Variants in NAV2 observed in about 807,000 individuals in gnomAD.
The protein encoded by NAV2 is helicase, APC down-regulated 1.
Under a neutral mutation model 223.2 loss-of-function variants are expected in NAV2, and 54 were observed. The ratio of observed to expected loss-of-function variants is 0.24; its 90% CI spans 0.19 to 0.30. The LOEUF is 0.30. Ranked by LOEUF, NAV2 falls within the 10% of genes least tolerant of loss-of-function variation. NAV2 has a pLI of 1.00. For missense variants in NAV2, 2,806 were observed against 3,147.5 expected (o/e 0.89, Z 2.60); for synonymous variants, 1,279 against 1,239.3 (o/e 1.03, Z -0.67).
intron 17 of NAV2, 117 bp from the exon 18 acceptor site, chr11:20,053,963 A>T (rs558822436): frequency 2.1e-4 from 232 of 1,099,318 alleles, no homozygotes; most frequent in Middle Eastern, 2.0e-4. Context: ...ATCTGATTTT[A>T]AAAAAAATCA....
intron 1 of NAV2, among the ~76,000 whole-genome samples, chr11:19,599,706 T>C (rs2046303386): frequency 6.6e-6 from 1 of 152,222 alleles, no homozygotes; most frequent in African/African-American, 2.4e-5. Context: ...GCATCAGGGC[T>C]CTTGCCAGAA....
chr11:19,619,787 G>A (rs1472781278), intron 1 of NAV2, among the ~76,000 whole-genome samples: 1 of 152,070 alleles, frequency 6.6e-6, no homozygotes, highest in African/African-American at 2.4e-5. Flanking sequence ...TGTCAATTTT[G>A]TCTTTTGTTG....
intron 10 of NAV2, among the ~76,000 whole-genome samples, chr11:19,956,234 A>C (rs532481194): frequency 6.6e-6 from 1 of 152,270 alleles, no homozygotes; most frequent in South Asian, 2.1e-4. Flanking sequence ...CTTTCCCCAC[A>C]CAACCAATTC....
At chr11:19,844,826 T>TTG (rs201082253) in intron 3 of NAV2, among the ~76,000 whole-genome samples, 1 of 150,444 alleles carries the variant, frequency 6.6e-6, no homozygotes, top group African/African-American at 2.5e-5. Context: ...CTGTGTGTTT[T>TTG]TTTTTTTTTT....
chr11:19,578,680 T>G (rs1418431523), intron 1 of NAV2, among the ~76,000 whole-genome samples: 1 of 152,258 alleles, frequency 6.6e-6, no homozygotes, highest in Non-Finnish European at 1.5e-5. Flanking sequence ...TGCAATATGT[T>G]GACCATCTAG....
At chr11:19,822,178 A>C (rs2059418243) in intron 1 of NAV2, among the ~76,000 whole-genome samples, 1 of 152,184 alleles carries the variant, frequency 6.6e-6, no homozygotes, top group Non-Finnish European at 1.5e-5. Context: ...ATCTCATTTC[A>C]ATCTCACAGT....
intron 1 of NAV2, among the ~76,000 whole-genome samples, chr11:19,655,286 T>G (rs922960645): frequency 2.0e-5 from 3 of 152,366 alleles, no homozygotes; most frequent in East Asian, 1.9e-4. Flanking sequence ...GCTTTTGCAC[T>G]GTTGGTGGGA....
At chr11:20,050,207 T>C (rs948116829) in intron 16 of NAV2, among the ~76,000 whole-genome samples, 1 of 152,148 alleles carries the variant, frequency 6.6e-6, no homozygotes, top group African/African-American at 2.4e-5. Flanking sequence ...TGTGGCATGT[T>C]CCTGCTTTTC....
intron 1 of NAV2, among the ~76,000 whole-genome samples, chr11:19,772,442 G>A (rs1390753990): frequency 2.6e-5 from 4 of 152,164 alleles, no homozygotes; most frequent in African/African-American, 7.2e-5. Flanking sequence ...ATCCTTTTCA[G>A]TATTGCTGTG....
chr11:19,660,031 G>A (rs2048233842), intron 1 of NAV2, among the ~76,000 whole-genome samples: 1 of 152,178 alleles, frequency 6.6e-6, no homozygotes, highest in Non-Finnish European at 1.5e-5. Context: ...AAGAGATTGA[G>A]CCTTTCCAGG....
intron 1 of NAV2, among the ~76,000 whole-genome samples, chr11:19,666,224 G>A (rs568420486): frequency 6.6e-6 from 1 of 152,326 alleles, no homozygotes; most frequent in African/African-American, 2.4e-5. Flanking sequence ...AATATTTAAT[G>A]TAGTTTCTTC....
chr11:19,718,909 GCA>G (rs924286645), intron 1 of NAV2, among the ~76,000 whole-genome samples: 2 of 152,042 alleles, frequency 1.3e-5, no homozygotes, highest in Admixed American at 6.5e-5. Context: ...GCACATATAA[GCA>G]CACACACACA....
At chr11:19,437,507 C>G (rs1428153105) in intron 1 of NAV2, among the ~76,000 whole-genome samples, 2 of 152,094 alleles carry the variant, frequency 1.3e-5, no homozygotes, top group African/African-American at 4.8e-5. Context: ...TTTCTTTGCA[C>G]CATTATTTTC....
chr11:19,814,647 G>C (rs1014820196), intron 1 of NAV2, among the ~76,000 whole-genome samples: 32 of 152,048 alleles, frequency 2.1e-4, no homozygotes, highest in Admixed American at 7.9e-4. Context: ...TGTTTGTTTT[G>C]AGAGAGTGGA....
At chr11:19,387,998 C>T (rs1447157780) in intron 1 of NAV2, among the ~76,000 whole-genome samples, 1 of 152,176 alleles carries the variant, frequency 6.6e-6, no homozygotes, top group East Asian at 1.9e-4. Context: ...CCAGGATCTT[C>T]CCCAAGACCT....
At chr11:19,774,341 A>G (rs1190284655) in intron 1 of NAV2, among the ~76,000 whole-genome samples, 2 of 152,138 alleles carry the variant, frequency 1.3e-5, no homozygotes, top group Non-Finnish European at 2.9e-5. Flanking sequence ...ACACCTGGCT[A>G]ATTTTTAAAA....
intron 26 of NAV2, among the ~76,000 whole-genome samples, chr11:20,090,512 A>G (rs564600174): frequency 3.5e-4 from 54 of 152,286 alleles, no homozygotes; most frequent in African/African-American, 1.3e-3. Context: ...CACAAAAAGC[A>G]GGAAAAGAGT....
At chr11:19,512,796 C>T (rs2043320460) in intron 1 of NAV2, among the ~76,000 whole-genome samples, 2 of 152,198 alleles carry the variant, frequency 1.3e-5, no homozygotes, top group African/African-American at 2.4e-5. Context: ...CAGCCCTTCA[C>T]AGGCATGCCA....
At chr11:19,544,291 C>T (rs2044424871) in intron 1 of NAV2, among the ~76,000 whole-genome samples, 1 of 152,200 alleles carries the variant, frequency 6.6e-6, no homozygotes, top group Non-Finnish European at 1.5e-5. Flanking sequence ...CACTATCAGT[C>T]TTTCCAATAC....
Sources: allele counts gnomAD v4.1 joint callset (sites outside exome capture counted in the v4.1 genomes callset), GRCh38; gene constraint gnomAD v4.1.1; transcripts MANE v1.5; gene names NCBI Gene and HGNC (gene_info 2026-07-23, HGNC 2026-07-21).